Variants in ACACB observed in about 807,000 individuals in gnomAD.
ACACB encodes acetyl-CoA carboxylase beta.
Under a neutral mutation model 278.8 loss-of-function variants are expected in ACACB, and 209 were observed. That is an observed-to-expected ratio of 0.75 (90% CI 0.67 to 0.84). The LOEUF (loss-of-function observed/expected upper bound fraction) is 0.84. ACACB is among the 40% of genes least tolerant of loss of function. ACACB has a pLI of 0.00. For synonymous variants in ACACB, 1,174 were observed against 1,285.6 expected, an observed-to-expected ratio of 0.91 and a Z score of 1.86; for missense variants, 2,850 against 3,269.0, an observed-to-expected ratio of 0.87 and a Z score of 3.13.
In ACACB at chr12:109,191,754, G is replaced by A; in HGVS notation, c.2286G>A (p.Glu762=). Residue 762 remains glutamate (E), a synonymous_variant, in exon 14 of 53, where the codon GAG becomes GAA. Coordinates refer to ENST00000338432, the MANE Select transcript of ACACB (RefSeq NM_001093.4). ...GGTGGTTGGACTACCTCATTGCTGA[G>A]AAAGTGCAGGTAGGGAGTGAGCTGC... ...DTGWLDYLIA[E]KVQAEKPDIM... is the part of the protein sequence containing the mutation. 1 of 1,614,208 alleles carries A rather than the reference G, an allele frequency of 6.2e-7. No homozygotes were observed. The highest frequency in any genetic ancestry group is 1.1e-5 in the South Asian group (1 of 91,078).
rs756710601 is a variant in ACACB, at chr12:109,139,561, T to C, written c.156T>C (p.Asp52=). The change falls in exon 2 of 53, where the codon GAT becomes GAC. Residue 52 remains aspartate (D), a synonymous_variant. Transcript: ENST00000338432. ...GCCAGGAGCCCTTTCCAGCCTCTGA[T>C]AACTCAGGGGAGACACCGCAGAGAA... ...IPSQEPFPAS[D]NSGETPQRNG... 2.5e-6 allele frequency: 4 copies of C among 1,613,874 alleles called. No individual in the cohort carries two copies. Among genetic ancestry groups the C allele is most frequent in the Non-Finnish European group, 3.4e-6 (4 of 1,179,986 alleles).
chr12:109,222,553 C>T lies in ACACB; in HGVS notation c.3611C>T (p.Ser1204Phe). The T allele has an allele frequency of 6.2e-7, 1 of 1,614,186 alleles. No homozygotes were observed. The highest frequency in any genetic ancestry group is 2.2e-5 in the East Asian group (1 of 44,868). ...PDPSLSDELI[S>F]ILNELTQLSK... ...CCTTCCCTGTCGGACGAGCTGATCTCCATCCTCAACGAGCTCACTCAGCTG... is the reference window on the plus strand; with the variant it reads ...CCTTCCCTGTCGGACGAGCTGATCTTCATCCTCAACGAGCTCACTCAGCTG... The change falls in exon 25 of 53, where the codon TCC (serine) becomes TTC (phenylalanine). Residue 1204 changes from serine (S) to phenylalanine (F), a missense_variant. Coordinates refer to ENST00000338432, the MANE Select transcript of ACACB (RefSeq NM_001093.4).
chr12:109,180,773 C>T (rs1467242261), intron 11 of ACACB, among the ~76,000 whole-genome samples: 1 of 152,024 alleles, frequency 6.6e-6, no homozygotes. Context: ...AAATGGGTAT[C>T]CATCCCCCTC....
chr12:109,172,618 C>T (rs1024156497), intron 6 of ACACB, among the ~76,000 whole-genome samples: 2 of 152,200 alleles, frequency 1.3e-5, no homozygotes, highest in Admixed American at 6.5e-5. Flanking sequence ...CTCAACATCA[C>T]TGATCATTAG....
intron 44 of ACACB, among the ~76,000 whole-genome samples, chr12:109,254,590 A>G (rs1423118587): frequency 6.6e-6 from 1 of 152,048 alleles, no homozygotes; most frequent in East Asian, 1.9e-4. Context: ...GGTGGGGTGC[A>G]ATGGTGGTCC....
chr12:109,192,204 C>T (rs767686221), intron 15 of ACACB, among the ~76,000 whole-genome samples: 16 of 152,212 alleles, frequency 1.1e-4, no homozygotes, highest in Non-Finnish European at 2.2e-4. Flanking sequence ...TCCATGCTGA[C>T]TTGTGTAAGG....
rs748721206 is a variant in ACACB at position 109,188,098 on chromosome 12, G to T, written c.2080G>T (p.Glu694Ter). 1 of 1,613,424 alleles carries T rather than the reference G, an allele frequency of 6.2e-7. No individual in the cohort carries two copies. Among genetic ancestry groups the T allele is most frequent in the South Asian group, 1.1e-5 (1 of 91,048 alleles). ...FSVAATGGLH[E>*]FADSQFGHCF... is the part of the protein sequence containing the mutation. ...CGTGGCCGCTACTGGAGGCCTGCAC[G>T]AGTTTGCGGATTCCCAATTTGGGCA... is the stretch of plus-strand genomic sequence containing the variant. The change falls in exon 13 of 53, where the codon GAG becomes TAG. Residue 694 changes from glutamate (E) to a stop codon, truncating the protein, a stop_gained. Transcript: ENST00000338432. LOFTEE classifies it high-confidence loss of function.
chr12:109,151,858 G>A (rs2043384805), intron 2 of ACACB, among the ~76,000 whole-genome samples: 3 of 152,234 alleles, frequency 2.0e-5, no homozygotes, highest in Admixed American at 1.3e-4. Context: ...TGTGCTTGGA[G>A]GTGGATATTA....
At chr12:109,150,980 TTC>T (rs2043356684) in intron 2 of ACACB, among the ~76,000 whole-genome samples, 1 of 129,024 alleles carries the variant, frequency 7.8e-6, no homozygotes, top group Non-Finnish European at 1.7e-5. Flanking sequence ...TCTTTTTTCT[TTC>T]TTTTTTTTTT....
chr12:109,114,951 T>C (rs1287284665), upstream of ACACB, among the ~76,000 whole-genome samples: 1 of 152,216 alleles, frequency 6.6e-6, no homozygotes, highest in Non-Finnish European at 1.5e-5. Context: ...ATTACCGTTC[T>C]TGTGTTTGAT....
intron 11 of ACACB, among the ~76,000 whole-genome samples, chr12:109,183,721 G>A (rs991839116): frequency 6.6e-6 from 1 of 152,064 alleles, no homozygotes; most frequent in Non-Finnish European, 1.5e-5. Context: ...TATATCATCT[G>A]TAAACAAGGA....
rs1330184493 is a variant in ACACB, at chr12:109,254,347, GTATTTTGC to G, written c.6166+14_6166+21del. The G allele has an allele frequency of 3.7e-6, 6 of 1,602,916 alleles. No homozygotes were observed. The South Asian group carries it at 6.6e-5, about 18-fold the overall frequency. The stretch of plus-strand genomic sequence containing the variant: ...AGGCCTCACCCAAGTAAGTTCTAAA[GTATTTTGC>G]CTAGGACCTGGTCTCGGGTTTCTTT... On this transcript the variant is annotated intron_variant, in intron 44 of 52. Coordinates refer to ENST00000338432, the MANE Select transcript of ACACB (RefSeq NM_001093.4).
intron 1 of ACACB, among the ~76,000 whole-genome samples, chr12:109,128,327 TTTTTTTA>T (rs1246455180): frequency 1.4e-5 from 2 of 145,122 alleles, no homozygotes; most frequent in African/African-American, 5.0e-5. Context: ...TTTTTTGGAC[TTTTTTTA>T]TTTTATTTTA....
intron 33 of ACACB, among the ~76,000 whole-genome samples, chr12:109,236,778 G>T (rs556480168): frequency 6.6e-6 from 1 of 151,306 alleles, no homozygotes; most frequent in Non-Finnish European, 1.5e-5. Context: ...AGTACTGTCA[G>T]TTGCTTTCTT....
At chr12:109,221,678 G>A (rs994140835) in intron 24 of ACACB, among the ~76,000 whole-genome samples, 3 of 152,112 alleles carry the variant, frequency 2.0e-5, no homozygotes, top group Non-Finnish European at 4.4e-5. Flanking sequence ...TGCTGTGTTC[G>A]AATCTGGCTC....
rs2047291306 is a variant in ACACB, at chr12:109,258,507, C to CAG, written c.6360+144_6360+145dup. On this transcript the variant is annotated intron_variant, in intron 46 of 52. Coordinates refer to ENST00000338432, the MANE Select transcript of ACACB (RefSeq NM_001093.4). ...GTGCAGTCCCTGGCCCTGGGGGGCT[C>CAG]AGTGCCTGTTTCTCTGACACTTTCT... The CAG allele has an allele frequency of 4.8e-6, 3 of 629,368 alleles. No homozygotes were observed. In the Admixed American group the frequency reaches 8.7e-5, roughly 18 times the overall value. 39.0% of individuals were successfully genotyped at this position (629,368 alleles called of 1,614,324 possible). A position where few individuals can be genotyped will look rare whatever the true frequency, so the allele number is the denominator to read the frequency against.
intron 38 of ACACB, 120 bp downstream of exon 38, chr12:109,245,868 C>A (rs1565967278): frequency 1.6e-6 from 2 of 1,278,988 alleles, no homozygotes; most frequent in South Asian, 1.5e-5. Context: ...GTGGGTGGAT[C>A]ACTTGAGGTC....
At chr12:109,201,816 C>G in intron 19 of ACACB, 115 bp downstream of exon 19, 1 of 1,391,262 alleles carries the variant, frequency 7.2e-7, no homozygotes. Flanking sequence ...CCTCCACCTG[C>G]AGACAGAGCT....
At chr12:109,163,148 C>G (rs2043789161) in intron 2 of ACACB, among the ~76,000 whole-genome samples, 1 of 152,194 alleles carries the variant, frequency 6.6e-6, no homozygotes, top group Non-Finnish European at 1.5e-5. Flanking sequence ...TGCTCTCAAA[C>G]TCCTGAACTC....
Sources: gnomAD v4.1 joint callset for allele counts (sites outside exome capture counted in the v4.1 genomes callset) on GRCh38, gnomAD v4.1.1 for gene constraint, MANE v1.5 for transcripts, NCBI Gene and HGNC (gene_info 2026-07-23, HGNC 2026-07-21) for gene names.